The following DVL1 variants were observed in gnomAD, a reference collection of about 807,000 sequenced individuals.
DVL1 encodes the protein dishevelled segment polarity protein 1, also known as segment polarity protein dishevelled homolog DVL-1.
Under a neutral mutation model 65.0 loss-of-function variants are expected in DVL1, and 49 were observed. The observed-to-expected ratio is 0.75, with a 90% CI of 0.60 to 0.96. The LOEUF is 0.96. DVL1 is among the 40% of genes least tolerant of loss of function. The pLI is 0.00. For missense variants in DVL1, 1,197 were observed against 1,045.4 expected, an observed-to-expected ratio of 1.15 and a Z score of -2.00; for synonymous variants, 608 against 433.9, an observed-to-expected ratio of 1.40 and a Z score of -4.99.
At chr1:1,340,845 C>CACA (rs1267669594) in intron 5 of DVL1, among the ~76,000 whole-genome samples, 41 of 137,272 alleles carry the variant, frequency 3.0e-4, no homozygotes, top group African/African-American at 1.1e-3. Context: ...ACACACGCAA[C>CACA]CCTGCACACA....
At chr1:1,345,893 C>A (rs1002457796) in intron 1 of DVL1, among the ~76,000 whole-genome samples, 1 of 152,074 alleles carries the variant, frequency 6.6e-6, no homozygotes, top group East Asian at 1.9e-4. Flanking sequence ...TGTGGCCTCC[C>A]AACCCCTGAC....
intron 1 of DVL1, among the ~76,000 whole-genome samples, chr1:1,348,266 C>T (rs1643950285): frequency 6.6e-6 from 1 of 152,162 alleles, no homozygotes; most frequent in African/African-American, 2.4e-5. Context: ...CCAGGCTGCC[C>T]CGAAACAGCA....
intron 5 of DVL1, among the ~76,000 whole-genome samples, chr1:1,341,044 C>T (rs771482480): frequency 6.7e-6 from 1 of 150,166 alleles, no homozygotes; most frequent in Non-Finnish European, 1.5e-5. Flanking sequence ...CACACACGCA[C>T]CCCTGCACAC....
chr1:1,341,458 G>A (rs550973967), intron 5 of DVL1, among the ~76,000 whole-genome samples: 25 of 151,538 alleles, frequency 1.6e-4, no homozygotes, highest in East Asian at 1.4e-3. Context: ...ACACACAGGC[G>A]CGCACACACG....
rs141858975 is a variant in DVL1 at position 1,348,759 on chromosome 1, C to T, written c.170+137G>A. ...ACACGGGCCGAGGCCGCCACCCGCG[C>T]CGCATCTAGCGGAGGCGCGTCGCGG... On this transcript the variant is annotated intron_variant, in intron 1 of 14. Coordinates refer to ENST00000378888, the MANE Select transcript of DVL1 (RefSeq NM_001330311.2). 15,164 of 712,352 alleles carry T rather than the reference C, an allele frequency of 0.021. 193 individuals carry two copies. The highest frequency in any genetic ancestry group is 0.025 in the Middle Eastern group (45 of 1,802). 44.1% of individuals were successfully genotyped at this position (712,352 alleles called of 1,614,324 possible). A position where few individuals can be genotyped will look rare whatever the true frequency, so the allele number is the denominator to read the frequency against.
intron 14 of DVL1, chr1:1,337,600 C>T (rs1569678149): frequency 2.4e-6 from 1 of 409,100 alleles, no homozygotes; most frequent in African/African-American, 2.1e-5. Context: ...CATAGGAGAA[C>T]CACCAGCCGC....
intron 1 of DVL1, among the ~76,000 whole-genome samples, chr1:1,346,819 G>A (rs1220517277): frequency 3.9e-5 from 6 of 152,128 alleles, no homozygotes; most frequent in South Asian, 2.1e-4. Flanking sequence ...TCTTATGAAG[G>A]CCACCCCAGA....
At chr1:1,346,668 C>T (rs1163703775) in intron 1 of DVL1, among the ~76,000 whole-genome samples, 2 of 152,230 alleles carry the variant, frequency 1.3e-5, no homozygotes, top group African/African-American at 4.8e-5. Context: ...ATGACACAGG[C>T]TCCCTGCACT....
chr1:1,338,229 T>TTGCG, intron 13 of DVL1, 40 bp downstream of exon 13: 1 of 1,522,362 alleles, frequency 6.6e-7, no homozygotes, highest in Non-Finnish European at 9.0e-7. Context: ...CCTCCGGCGT[T>TTGCG]CCCCTCCCCC....
In DVL1 at chr1:1,349,179, G is replaced by A. The variant is rs1157381088; in HGVS notation, c.-114C>T. ...CCCGGCCCGCACCGCTCTCGGCCCCGACGCTCCGAGGCCCCCGGGCGCCCC... is the reference window on the plus strand; with the variant it reads ...CCCGGCCCGCACCGCTCTCGGCCCCAACGCTCCGAGGCCCCCGGGCGCCCC... On this transcript the variant is annotated 5_prime_UTR_variant, in exon 1 of 15. Transcript: ENST00000378888. This position sits in a 1 kb window ranked among gnomAD's most constrained non-coding sequence, Gnocchi z 4.1. 75 of 611,906 alleles carry A rather than the reference G, an allele frequency of 1.2e-4. No homozygotes were observed. Among genetic ancestry groups the A allele is most frequent in the Non-Finnish European group, 1.4e-4 (71 of 496,906 alleles). The allele number at this position is 611,906 out of a possible 1,614,324, so 37.9% of individuals were successfully genotyped here. A position where few individuals can be genotyped will look rare whatever the true frequency, so the allele number is the denominator to read the frequency against.
Position 1,336,532 on chromosome 1 carries a change from G to A in DVL1, c.1715-17C>T, listed in dbSNP as rs763742739. 8.7e-6 allele frequency: 13 copies of A among 1,493,672 alleles called. No individual in the cohort carries two copies. Among genetic ancestry groups the A allele is most frequent in the African/African-American group, 4.3e-5 (3 of 69,982 alleles). The allele number at this position is 1,493,672 out of a possible 1,614,324, so 92.5% of individuals were successfully genotyped here. A position where few individuals can be genotyped will look rare whatever the true frequency, so the allele number is the denominator to read the frequency against. On this transcript the variant is annotated splice_polypyrimidine_tract_variant and intron_variant, in intron 14 of 14. Coordinates refer to ENST00000378888, the MANE Select transcript of DVL1 (RefSeq NM_001330311.2). Reference sequence around the variant, plus strand: ...TTTTGCTCCCTGGGAGTGAGAACAGGATGGGGAAGGAGCCTGTCAGCACCA... The same window carrying A: ...TTTTGCTCCCTGGGAGTGAGAACAGAATGGGGAAGGAGCCTGTCAGCACCA...
intron 14 of DVL1, 40 bp from the exon 15 acceptor site, chr1:1,336,555 C>A: frequency 6.8e-7 from 1 of 1,481,000 alleles, no homozygotes; most frequent in Non-Finnish European, 8.9e-7. Flanking sequence ...CCTGTCAGCA[C>A]CAGGCCCGGC....
intron 5 of DVL1, among the ~76,000 whole-genome samples, chr1:1,341,296 A>C (rs543087650): frequency 2.0e-5 from 3 of 152,304 alleles, no homozygotes; most frequent in South Asian, 2.1e-4. Flanking sequence ...CACCTCACAC[A>C]CACATACATG....
At chr1:1,341,360 CAG>C (rs1643819153) in intron 5 of DVL1, among the ~76,000 whole-genome samples, 4 of 149,396 alleles carry the variant, frequency 2.7e-5, no homozygotes, top group Admixed American at 2.7e-4. Context: ...GGTACATGCA[CAG>C]ACACATCCGC....
At position 1,342,700 on chromosome 1, in the gene DVL1, C is replaced by T. The variant is rs781153526; in HGVS notation, c.229G>A (p.Val77Met). 1.7e-5 allele frequency: 27 copies of T among 1,612,934 alleles called. No homozygotes were observed. The highest frequency in any genetic ancestry group is 6.6e-5 in the South Asian group (6 of 91,094). ...NAKLPCFNGR[V>M]VSWLVLAEGA... ...ACACAGGGGCTCACCCAGGAGACCA[C>T]GCGGCCGTTGAAGCAGGGAAGCTTG... The change falls in exon 2 of 15, where the codon GTG becomes ATG. Residue 77 changes from valine (V) to methionine (M), a missense_variant. Coordinates refer to ENST00000378888, the MANE Select transcript of DVL1 (RefSeq NM_001330311.2).
In DVL1 at chr1:1,339,404, G is replaced by C; in HGVS notation, c.1090C>G (p.Leu364Val). The C allele has an allele frequency of 6.5e-7, 1 of 1,548,954 alleles. No homozygotes were observed. The highest frequency in any genetic ancestry group is 8.7e-7 in the Non-Finnish European group (1 of 1,146,630). ...PVRPIDPAAW[L>V]SHTAALTGAL... ...CCTGTCAGTGCCGCCGTGTGGGACA[G>C]CCAGGCGGCGGGGTCGATGGGCCGC... Residue 364 changes from leucine (L) to valine (V), a missense_variant, in exon 11 of 15, where the codon CTG becomes GTG. Transcript: ENST00000378888.
At chr1:1,346,815 G>A (rs1277478657) in intron 1 of DVL1, among the ~76,000 whole-genome samples, 2 of 152,148 alleles carry the variant, frequency 1.3e-5, no homozygotes, top group African/African-American at 4.8e-5. Context: ...CCTCTCTTAT[G>A]AAGGCCACCC....
chr1:1,337,743 C>T, intron 14 of DVL1: 1 of 697,048 alleles, frequency 1.4e-6, no homozygotes, highest in Non-Finnish European at 2.6e-6. Context: ...CACACTGGCT[C>T]CTGGATCCCC....
At position 1,336,497 on chromosome 1, in the gene DVL1, G is replaced by C. The variant is rs1268872331; in HGVS notation, c.1733C>G (p.Ser578Cys). The C allele has an allele frequency of 6.6e-7, 1 of 1,525,154 alleles. No individual in the cohort carries two copies. Among genetic ancestry groups the C allele is most frequent in the South Asian group, 1.3e-5 (1 of 79,300 alleles). 94.5% of individuals were successfully genotyped at this position (1,525,154 alleles called of 1,614,324 possible). The change falls in exon 15 of 15, where the codon TCC (serine) becomes TGC (cysteine). Residue 578 changes from serine (S) to cysteine (C), a missense_variant. Physicochemically the swap from Ser to Cys is moderately radical, Grantham distance 112. Transcript: ENST00000378888. The stretch of plus-strand genomic sequence containing the variant: ...CGGGGCCCGGCGGCTGCTCCGGGTG[G>C]ACCCACTGCTTTTGCTCCCTGGGAG... ...QQSEGSKSSG[S>C]TRSSRRAPGR...
Sources: gnomAD v4.1 joint callset for allele counts (sites outside exome capture counted in the v4.1 genomes callset) on GRCh38, gnomAD v4.1.1 for gene constraint, Gnocchi (gnomAD v3.1) non-coding constraint, MANE v1.5 for transcripts, NCBI Gene and HGNC (gene_info 2026-07-23, HGNC 2026-07-21) for gene names.